CFAP47: variants seen among roughly 807,000 people sequenced by gnomAD.
The protein encoded by CFAP47 is cilia and flagella associated protein 47.
In CFAP47, 29 loss-of-function variants were observed where a neutral mutation model predicts 148.1. The ratio of observed to expected loss-of-function variants is 0.20; its 90% CI spans 0.15 to 0.27. The LOEUF (loss-of-function observed/expected upper bound fraction) is 0.27. CFAP47 is among the 10% of genes least tolerant of loss of function. The probability of loss-of-function intolerance (pLI) is 1.00; values close to 1 mark genes in which losing one functional copy is unlikely to be tolerated. For synonymous variants in CFAP47, 664 were observed against 577.3 expected (o/e 1.15, Z -2.15); for missense variants, 1,872 against 1,697.5 (o/e 1.10, Z -1.81).
intron 3 of CFAP47, among the ~76,000 whole-genome samples, chrX:35,941,716 G>A (rs780912177): frequency 6.7e-4 from 75 of 111,318 alleles, no homozygotes; most frequent in Non-Finnish European, 1.2e-3. Context: ...TTAGTTGTGT[G>A]ATCTGGGGCA....
intron 35 of CFAP47, chrX:36,144,556 T>C (rs1394842952): frequency 1.2e-5 from 12 of 999,306 alleles, no homozygotes; most frequent in Non-Finnish European, 1.6e-5. Flanking sequence ...ACGTTTTGTT[T>C]CTAGGTGTGT....
chrX:36,143,798 G>C (rs181440823), intron 35 of CFAP47, among the ~76,000 whole-genome samples: 142 of 111,524 alleles, frequency 1.3e-3, no homozygotes, highest in Non-Finnish European at 2.2e-3. Flanking sequence ...TTGTTTATCA[G>C]AGTAATTACA....
intron 44 of CFAP47, 113 bp from the exon 45 acceptor site, chrX:36,204,844 T>C (rs1254528405): frequency 1.4e-5 from 4 of 288,477 alleles, no homozygotes; most frequent in African/African-American, 8.3e-5. Flanking sequence ...TCAAATTCAA[T>C]CCTTGATGGA....
chrX:36,243,974 G>A lies in CFAP47; in HGVS notation c.7332+7115G>A, dbSNP rs370143244. ...GAACATATTTTAAGATTGACCACAT[G>A]TTCAGTAATTAAAGCAAGACTCAAT... On this transcript the variant is annotated intron_variant, in intron 48 of 63. Coordinates refer to ENST00000378653, the MANE Select transcript of CFAP47 (RefSeq NM_001304548.2). 5.5e-5 allele frequency among the ~76,000 whole-genome samples: 6 copies of A among 110,006 alleles called. No homozygotes were observed. The South Asian group carries it at 1.5e-3, about 28-fold the overall frequency.
intron 28 of CFAP47, 142 bp downstream of exon 28, chrX:36,072,113 A>C: frequency 2.2e-6 from 1 of 450,400 alleles, no homozygotes; most frequent in Non-Finnish European, 3.6e-6. Context: ...TTTTAAATGG[A>C]TCATCTGTTT....
intron 49 of CFAP47, among the ~76,000 whole-genome samples, chrX:36,266,213 G>A (rs782815464): frequency 9.0e-6 from 1 of 110,796 alleles, no homozygotes; most frequent in South Asian, 4.0e-4. Flanking sequence ...GGACTTGGGA[G>A]CACCACAGGT....
At chrX:36,114,056 C>T (rs1028221567) in intron 33 of CFAP47, among the ~76,000 whole-genome samples, 9 of 110,815 alleles carry the variant, frequency 8.1e-5, no homozygotes, top group South Asian at 3.8e-4. Context: ...GTGATCTGCC[C>T]GCCTTGGCCT....
At chrX:36,084,262 G>T (rs1938040015) in intron 29 of CFAP47, among the ~76,000 whole-genome samples, 1 of 110,696 alleles carries the variant, frequency 9.0e-6, no homozygotes, top group Non-Finnish European at 1.9e-5. Flanking sequence ...ATTGCTTATT[G>T]TTCATTTTAG....
rs189276508 is a variant in CFAP47 at position 36,082,546 on chromosome X, C to T, written c.4692-2768C>T. ...CAACTAATCATAGAGTCATTTGAAT[C>T]GTACTGGAAGTCCCACTTATTCTGA... On this transcript the variant is annotated intron_variant, in intron 29 of 63. Transcript: ENST00000378653. Among the ~76,000 whole-genome samples the T allele has an allele frequency of 8.1e-5, 9 of 111,598 alleles. No individual in the cohort carries two copies. In the East Asian group the frequency reaches 2.5e-3, roughly 31 times the overall value.
At chrX:36,203,646 A>G (rs1555988394) in intron 44 of CFAP47, among the ~76,000 whole-genome samples, 1 of 112,369 alleles carries the variant, frequency 8.9e-6, no homozygotes, top group African/African-American at 3.2e-5. Context: ...ATCCTTTGAC[A>G]TCTTATGCAT....
rs782218529 is a variant in CFAP47, at chrX:36,335,435, G to A, written c.8444-12694G>A. On this transcript the variant is annotated intron_variant, in intron 57 of 63. Transcript: ENST00000378653. The stretch of plus-strand genomic sequence containing the variant: ...ATACCCCCCGCCTCAAAAATATATC[G>A]ACTTTCTAATCCCAAGAACTATGAA... Among the ~76,000 whole-genome samples, 22 of 111,147 alleles carry A rather than the reference G, an allele frequency of 2.0e-4. No individual in the cohort carries two copies. The East Asian group carries it at 4.8e-3, about 24-fold the overall frequency.
At chrX:36,136,003 A>G (rs746768910) in intron 33 of CFAP47, among the ~76,000 whole-genome samples, 2 of 111,408 alleles carry the variant, frequency 1.8e-5, no homozygotes, top group Non-Finnish European at 3.8e-5. Flanking sequence ...ACCTTACTCT[A>G]GTTTCTGACA....
Position 36,130,146 on chromosome X carries a change from G to C in CFAP47, c.5321-7812G>C, listed in dbSNP as rs763467557. The stretch of plus-strand genomic sequence containing the variant: ...AAGTAAAGAGACAACCCACAGAAAT[G>C]GGAGAAAACATTTGCAAAATATTCA... On this transcript the variant is annotated intron_variant, in intron 33 of 63. Coordinates refer to ENST00000378653, the MANE Select transcript of CFAP47 (RefSeq NM_001304548.2). Among the ~76,000 whole-genome samples, 6 of 110,945 alleles carry C rather than the reference G, an allele frequency of 5.4e-5. No individual in the cohort carries two copies. The South Asian group carries it at 2.3e-3, about 42-fold the overall frequency.
At chrX:36,089,346 G>A (rs986057204) in intron 30 of CFAP47, among the ~76,000 whole-genome samples, 1 of 110,088 alleles carries the variant, frequency 9.1e-6, no homozygotes, top group Non-Finnish European at 1.9e-5. Context: ...TCCAGCCTGG[G>A]CAACAAGAGC....
chrX:36,134,712 A>G, intron 33 of CFAP47, among the ~76,000 whole-genome samples: 1 of 111,147 alleles, frequency 9.0e-6, no homozygotes. Context: ...ATGTATACAC[A>G]TATCTATTTG....
At chrX:36,145,030 G>A in intron 35 of CFAP47, 189 bp from the exon 36 acceptor site, 1 of 398,128 alleles carries the variant, frequency 2.5e-6, no homozygotes, top group Non-Finnish European at 4.3e-6. Context: ...CTTTGTGATT[G>A]TTCAGCCAAT....
At chrX:36,376,871 G>A (rs1000827259) in intron 62 of CFAP47, among the ~76,000 whole-genome samples, 82 of 105,332 alleles carry the variant, frequency 7.8e-4, no homozygotes, top group African/African-American at 2.9e-3. Context: ...GAGAACATGC[G>A]GTGTCTGGTT....
intron 36 of CFAP47, among the ~76,000 whole-genome samples, chrX:36,148,007 G>A (rs763721879): frequency 9.0e-6 from 1 of 111,601 alleles, no homozygotes; most frequent in South Asian, 3.7e-4. Context: ...CTGTTAAAAC[G>A]GTAAGGCAGA....
At chrX:35,992,581 C>T (rs1030053400) in intron 17 of CFAP47, among the ~76,000 whole-genome samples, 1 of 111,399 alleles carries the variant, frequency 9.0e-6, no homozygotes, top group African/African-American at 3.3e-5. Flanking sequence ...TTCTTACCTA[C>T]ATAGTCTATT....
Sources: allele counts gnomAD v4.1 joint callset (sites outside exome capture counted in the v4.1 genomes callset), GRCh38; gene constraint gnomAD v4.1.1; transcripts MANE v1.5; gene names NCBI Gene and HGNC (gene_info 2026-07-23, HGNC 2026-07-21).